The following SAMM50 variants were observed in gnomAD, a reference collection of about 807,000 sequenced individuals.
The protein encoded by SAMM50 is sorting and assembly machinery component 50 homolog.
A neutral mutation model predicts 66.9 loss-of-function variants in SAMM50; 47 were observed. That is an observed-to-expected ratio of 0.70 (90% CI 0.56 to 0.90). SAMM50 has a LOEUF of 0.90. Ranked by LOEUF, SAMM50 falls within the 40% of genes least tolerant of loss-of-function variation. The probability of loss-of-function intolerance (pLI) is 0.00; values close to 1 mark genes in which losing one functional copy is unlikely to be tolerated. For synonymous variants in SAMM50, 191 were observed against 214.1 expected (o/e 0.89, Z 0.94); for missense variants, 535 against 595.3 (o/e 0.90, Z 1.05).
chr22:43,967,781 G>T lies in SAMM50; in HGVS notation c.235-950G>T, dbSNP rs537790569. ...TCTCAACTTTCCTTATCACACGAGG[G>T]CCTTTCCTTCTCTGTGTCCTCAGCA... is the stretch of plus-strand genomic sequence containing the variant. On this transcript the variant is annotated intron_variant, in intron 3 of 14. Coordinates refer to ENST00000350028, the MANE Select transcript of SAMM50 (RefSeq NM_015380.5). Among the ~76,000 whole-genome samples, 3 of 152,320 alleles carry T rather than the reference G, an allele frequency of 2.0e-5. No homozygotes were observed. In the South Asian group the frequency reaches 6.2e-4, roughly 32 times the overall value.
At chr22:43,989,412 C>G (rs2050311336) in intron 13 of SAMM50, among the ~76,000 whole-genome samples, 155 bp downstream of exon 13, 1 of 150,810 alleles carries the variant, frequency 6.6e-6, no homozygotes, top group Non-Finnish European at 1.5e-5. Context: ...TCTCGGCTCA[C>G]TGCAACCTCC....
Position 43,955,506 on chromosome 22 carries a change from C to G in SAMM50, c.-72C>G. On this transcript the variant is annotated 5_prime_UTR_variant, in exon 1 of 15. Coordinates refer to ENST00000350028, the MANE Select transcript of SAMM50 (RefSeq NM_015380.5). ...CTGCAGCTCCGCCACCGCGGACCCGCCTTCTGCCCTCAGCAGCAGACGCTC... is the reference window on the plus strand; with the variant it reads ...CTGCAGCTCCGCCACCGCGGACCCGGCTTCTGCCCTCAGCAGCAGACGCTC... 1.3e-6 allele frequency: 2 copies of G among 1,540,836 alleles called. No homozygotes were observed. The highest frequency in any genetic ancestry group is 1.8e-6 in the Non-Finnish European group (2 of 1,135,776).
At position 43,973,254 on chromosome 22, in the gene SAMM50, T is replaced by A; in HGVS notation, c.579T>A (p.Tyr193Ter). The A allele has an allele frequency of 6.2e-7, 1 of 1,602,684 alleles. No homozygotes were observed. The highest frequency in any genetic ancestry group is 8.5e-7 in the Non-Finnish European group (1 of 1,169,604). Residue 193 changes from tyrosine (Y) to a stop codon, truncating the protein, a stop_gained, in exon 7 of 15, where the codon TAT becomes TAA. Transcript: ENST00000350028. LOFTEE classifies it high-confidence loss of function. The part of the protein sequence containing the change: ...NFERNFSVNL[Y>*]KVTGQFPWSS... ...CTCCTAGTTTCTCTGTAAACTTATA[T>A]AAAGTTACTGGACAGTTCCCTTGGA...
At chr22:43,981,711 A>G (rs2050265700) in intron 11 of SAMM50, among the ~76,000 whole-genome samples, 1 of 152,256 alleles carries the variant, frequency 6.6e-6, no homozygotes, top group South Asian at 2.1e-4. Context: ...GAAGGAATAT[A>G]GTTCATACTC....
Position 43,963,331 on chromosome 22 carries a change from G to C in SAMM50, c.67G>C (p.Gly23Arg), listed in dbSNP as rs767225703. 7 of 1,613,016 alleles carry C rather than the reference G, an allele frequency of 4.3e-6. No individual in the cohort carries two copies. In the Admixed American group the frequency reaches 1.2e-4, roughly 27 times the overall value. Residue 23 changes from glycine to arginine, a missense_variant, in exon 2 of 15, where the codon GGA (glycine) becomes CGA (arginine). Gly to Arg is a moderately radical substitution (Grantham distance 125, BLOSUM62 -2). Coordinates refer to ENST00000350028, the MANE Select transcript of SAMM50 (RefSeq NM_015380.5). ...PSSGPDFGGL[G>R]EEAEFVEVEP... ...AAGTGGACCTGATTTTGGAGGATTA[G>C]GAGAAGAAGCTGAATTTGTTGAAGT...
chr22:43,968,060 A>G (rs2050182464), intron 3 of SAMM50, among the ~76,000 whole-genome samples: 1 of 151,700 alleles, frequency 6.6e-6, no homozygotes, highest in Non-Finnish European at 1.5e-5. Flanking sequence ...TATGTCTGCT[A>G]AACATACAAA....
rs58022542 is a variant in SAMM50 at position 43,962,881 on chromosome 22, A to ATTTTTTTT, written c.22-379_22-372dup. Among the ~76,000 whole-genome samples the ATTTTTTTT allele has an allele frequency of 4.9e-3, 324 of 65,518 alleles. 37 individuals carry two copies. Among genetic ancestry groups the ATTTTTTTT allele is most frequent in the Non-Finnish European group, 6.7e-3 (248 of 37,172 alleles). The allele number at this position is 65,518 out of a possible 152,430, so 43.0% of individuals were successfully genotyped here. A position where few individuals can be genotyped will look rare whatever the true frequency, so the allele number is the denominator to read the frequency against. On this transcript the variant is annotated intron_variant, in intron 1 of 14. Transcript: ENST00000350028. Reference sequence around the variant, plus strand: ...GATTTGTGCGTGACCCTTTTGGTTAATTTTTTTTTTTTTTTTTTTTTTTTT... The same window carrying ATTTTTTTT: ...GATTTGTGCGTGACCCTTTTGGTTAATTTTTTTTTTTTTTTTTTTTTTTTTTTTTTTTT...
intron 10 of SAMM50, among the ~76,000 whole-genome samples, chr22:43,979,392 C>T (rs1324620661): frequency 6.6e-6 from 1 of 152,180 alleles, no homozygotes; most frequent in Non-Finnish European, 1.5e-5. Flanking sequence ...CGCCTGGGCT[C>T]CCCATCCACT....
chr22:43,972,492 C>T (rs1471347767), intron 5 of SAMM50, 150 bp downstream of exon 5: 1 of 545,266 alleles, frequency 1.8e-6, no homozygotes, highest in South Asian at 3.2e-5. Flanking sequence ...TCTTTAATCA[C>T]CGTAGAATTG....
At position 43,974,262 on chromosome 22, in the gene SAMM50, C is replaced by G. The variant is rs1013305106; in HGVS notation, c.648+939C>G. 2.6e-5 allele frequency among the ~76,000 whole-genome samples: 4 copies of G among 152,276 alleles called. No homozygotes were observed. The East Asian group carries it at 5.8e-4, about 22-fold the overall frequency. On this transcript the variant is annotated intron_variant, in intron 7 of 14. Transcript: ENST00000350028. The stretch of plus-strand genomic sequence containing the variant: ...GGGCCCAGGAAGCTTTAAGTGTGCT[C>G]TCCCTCCAAGAACCCAGCAGAAGCC...
chr22:43,979,770 A>G (rs1241233481), intron 10 of SAMM50, among the ~76,000 whole-genome samples: 1 of 151,896 alleles, frequency 6.6e-6, no homozygotes, highest in Non-Finnish European at 1.5e-5. Flanking sequence ...TTGATCCTTC[A>G]TCACTGTGCC....
chr22:43,967,032 G>A (rs1275635893), intron 3 of SAMM50, among the ~76,000 whole-genome samples: 2 of 152,120 alleles, frequency 1.3e-5, no homozygotes, highest in Non-Finnish European at 2.9e-5. Context: ...CCTGGGCTTT[G>A]GTGACCATTT....
chr22:43,981,108 C>A (rs1212309111), intron 10 of SAMM50, among the ~76,000 whole-genome samples: 1 of 152,268 alleles, frequency 6.6e-6, no homozygotes, highest in Non-Finnish European at 1.5e-5. Context: ...CTTCCCGTTG[C>A]AGAGCAGGGG....
chr22:43,980,934 C>T (rs1043129338), intron 10 of SAMM50, among the ~76,000 whole-genome samples: 2 of 152,196 alleles, frequency 1.3e-5, no homozygotes, highest in African/African-American at 2.4e-5. Context: ...GTTGGGAGTG[C>T]GTCTCTGCAT....
At chr22:43,996,287 T>C (rs572341865) in intron 14 of SAMM50, 51 bp from the exon 15 acceptor site, 64 of 1,599,314 alleles carry the variant, frequency 4.0e-5, no homozygotes, top group East Asian at 8.9e-5. Flanking sequence ...GTCGTGAAGA[T>C]GGCAGGGCTG....
Position 43,986,555 on chromosome 22 carries a change from C to CT in SAMM50, c.1076-2543dup, listed in dbSNP as rs879741787. 472 of 144,460 alleles carry CT rather than the reference C, an allele frequency of 3.3e-3. 2 individuals are homozygous for CT. Among genetic ancestry groups the CT allele is most frequent in the Middle Eastern group, 0.014 (4 of 280 alleles). 8.9% of individuals were successfully genotyped at this position (144,460 alleles called of 1,614,324 possible). A position where few individuals can be genotyped will look rare whatever the true frequency, so the allele number is the denominator to read the frequency against. On this transcript the variant is annotated intron_variant, in intron 12 of 14. Coordinates refer to ENST00000350028, the MANE Select transcript of SAMM50 (RefSeq NM_015380.5). ...TAAACATTCTCCCCTGATTTTCTTA[C>CT]TTTTTTTTTTTTTGAGACGGAGTCT...
chr22:43,972,556 A>G (rs2050209167), intron 5 of SAMM50, among the ~76,000 whole-genome samples: 1 of 152,176 alleles, frequency 6.6e-6, no homozygotes, highest in South Asian at 2.1e-4. Context: ...GTAATTAGGA[A>G]TGATTTGGAG....
At chr22:43,955,698 G>C in intron 1 of SAMM50, 100 bp downstream of exon 1, 1 of 1,322,196 alleles carries the variant, frequency 7.6e-7, no homozygotes, top group Non-Finnish European at 1.0e-6. Context: ...AGGGTTCACC[G>C]GGAGAGAGGG....
At chr22:43,966,046 G>C (rs1178498015) in intron 3 of SAMM50, among the ~76,000 whole-genome samples, 1 of 152,138 alleles carries the variant, frequency 6.6e-6, no homozygotes, top group Non-Finnish European at 1.5e-5. Context: ...TTGCCATGTT[G>C]TCCAGGCTGA....
Sources: allele counts gnomAD v4.1 joint callset (sites outside exome capture counted in the v4.1 genomes callset), GRCh38; gene constraint gnomAD v4.1.1; transcripts MANE v1.5; gene names NCBI Gene and HGNC (gene_info 2026-07-23, HGNC 2026-07-21).